The following LOC400499 variants were observed in gnomAD, a reference collection of about 807,000 sequenced individuals.
At chr16:11,415,510 G>C in the LOC400499 span, among the ~76,000 whole-genome samples, 1 of 152,198 alleles carries the variant, frequency 6.6e-6, no homozygotes, top group Non-Finnish European at 1.5e-5. Context: ...CACGGGAGAG[G>C]ACCACTTGTG....
the LOC400499 span, among the ~76,000 whole-genome samples, chr16:11,489,187 G>T: frequency 1.3e-5 from 2 of 152,196 alleles, no homozygotes; most frequent in African/African-American, 4.8e-5. Context: ...GTGACCTTGG[G>T]GTGGTCCCTC....
At chr16:11,493,826 G>A in the LOC400499 span, 22 of 308,050 alleles carry the variant, frequency 7.1e-5, no homozygotes, top group Admixed American at 5.4e-4. Context: ...GGACCATGAG[G>A]GGCAGTGGCG....
chr16:11,383,137 C>G, the LOC400499 span, among the ~76,000 whole-genome samples: 1 of 151,784 alleles, frequency 6.6e-6, no homozygotes, highest in Non-Finnish European at 1.5e-5. Flanking sequence ...GCAGTCTCAG[C>G]TCACTGCAAG....
At chr16:11,422,641 T>C in the LOC400499 span, among the ~76,000 whole-genome samples, 4 of 152,146 alleles carry the variant, frequency 2.6e-5, no homozygotes, top group Admixed American at 2.6e-4. Context: ...ACCTACTACA[T>C]GTCAGGCCCC....
the LOC400499 span, chr16:11,404,848 C>A: frequency 5.0e-6 from 2 of 398,982 alleles, no homozygotes; most frequent in Non-Finnish European, 4.4e-6. Flanking sequence ...AGGAACAGCT[C>A]CCTGGGAAGA....
the LOC400499 span, among the ~76,000 whole-genome samples, chr16:11,411,907 G>C: frequency 1.3e-5 from 2 of 151,422 alleles, no homozygotes; most frequent in East Asian, 3.9e-4. Flanking sequence ...CTGTCACCCA[G>C]GCTGGAGTGC....
chr16:11,446,997 G>A, the LOC400499 span: 2 of 1,420,710 alleles, frequency 1.4e-6, no homozygotes, highest in African/African-American at 2.8e-5. Flanking sequence ...CTCAGCCTGG[G>A]CCTGTCACGA....
At chr16:11,377,706 T>C in the LOC400499 span, among the ~76,000 whole-genome samples, 1 of 152,254 alleles carries the variant, frequency 6.6e-6, no homozygotes, top group Non-Finnish European at 1.5e-5. Flanking sequence ...ATTCTCCTTA[T>C]TAGTATTTTG....
the LOC400499 span, among the ~76,000 whole-genome samples, chr16:11,401,596 T>G: frequency 3.9e-5 from 6 of 152,174 alleles, no homozygotes; most frequent in Non-Finnish European, 1.5e-5. Flanking sequence ...AATCCAGGCT[T>G]AGAGAGGAGC....
the LOC400499 span, among the ~76,000 whole-genome samples, chr16:11,410,101 G>A: frequency 3.3e-5 from 5 of 152,230 alleles, no homozygotes; most frequent in East Asian, 5.8e-4. Flanking sequence ...CTATGATCAC[G>A]TCACCACACT....
the LOC400499 span, chr16:11,446,963 CA>C: frequency 2.1e-5 from 32 of 1,500,392 alleles, no homozygotes; most frequent in African/African-American, 4.1e-4. Flanking sequence ...CTGGCAGTGC[CA>C]GGGGACAATT....
At chr16:11,457,060 C>T in the LOC400499 span, 1 of 1,500,372 alleles carries the variant, frequency 6.7e-7, no homozygotes, top group East Asian at 2.5e-5. Context: ...CCCACCCCCC[C>T]AAGATGCCAA....
the LOC400499 span, among the ~76,000 whole-genome samples, chr16:11,470,401 G>A: frequency 6.6e-6 from 1 of 152,218 alleles, no homozygotes; most frequent in Non-Finnish European, 1.5e-5. Flanking sequence ...AGACCAGGCT[G>A]AGGCTGCAAC....
At chr16:11,416,024 C>T in the LOC400499 span, among the ~76,000 whole-genome samples, 1 of 150,920 alleles carries the variant, frequency 6.6e-6, no homozygotes, top group Non-Finnish European at 1.5e-5. Context: ...GGCGTGATCT[C>T]GGCTCACTGC....
chr16:11,518,635 G>A, the LOC400499 span, among the ~76,000 whole-genome samples: 5 of 152,096 alleles, frequency 3.3e-5, no homozygotes, highest in South Asian at 2.1e-4. Context: ...GAGCACCTGC[G>A]GCTATCTGGA....
the LOC400499 span, among the ~76,000 whole-genome samples, chr16:11,443,772 C>T: frequency 6.6e-6 from 1 of 152,054 alleles, no homozygotes; most frequent in African/African-American, 2.4e-5. Flanking sequence ...AAACAAGTTT[C>T]ACCCCTAGGG....
the LOC400499 span, among the ~76,000 whole-genome samples, chr16:11,418,184 T>C: frequency 6.6e-6 from 1 of 152,150 alleles, no homozygotes; most frequent in South Asian, 2.1e-4. Flanking sequence ...CCTACATCTG[T>C]TGTTGTAAAT....
chr16:11,441,060 A>T, the LOC400499 span: 4 of 398,820 alleles, frequency 1.0e-5, no homozygotes, highest in African/African-American at 4.1e-5. Context: ...AGTGGCCTCG[A>T]CCTCTCTGTT....
the LOC400499 span, among the ~76,000 whole-genome samples, chr16:11,504,052 C>T: frequency 6.6e-6 from 1 of 151,920 alleles, no homozygotes; most frequent in Non-Finnish European, 1.5e-5. Flanking sequence ...ATGGTGCCTG[C>T]CCGGGACCAC....
Sources: allele counts gnomAD v4.1 joint callset (sites outside exome capture counted in the v4.1 genomes callset), GRCh38; gene constraint gnomAD v4.1.1; transcripts MANE v1.5.